The following VPS13C variants were observed in gnomAD, a reference collection of about 807,000 sequenced individuals.
VPS13C encodes intermembrane lipid transfer protein VPS13C.
In VPS13C, 358 loss-of-function variants were observed where a neutral mutation model predicts 456.8. The observed-to-expected ratio is 0.78, with a 90% CI of 0.72 to 0.86. VPS13C has a LOEUF of 0.86. VPS13C is among the 40% of genes least tolerant of loss of function. VPS13C has a pLI of 0.00. For missense variants in VPS13C, 4,818 were observed against 4,385.4 expected (o/e 1.10, Z -2.79); for synonymous variants, 1,578 against 1,486.7 (o/e 1.06, Z -1.41).
At chr15:61,928,747 G>A (rs1306131216) in intron 51 of VPS13C, among the ~76,000 whole-genome samples, 1 of 151,920 alleles carries the variant, frequency 6.6e-6, no homozygotes, top group Non-Finnish European at 1.5e-5. Flanking sequence ...GTGTGGTGGT[G>A]CACAACTGTG....
At chr15:62,051,064 C>T (rs1021194754) in intron 1 of VPS13C, among the ~76,000 whole-genome samples, 2 of 152,050 alleles carry the variant, frequency 1.3e-5, no homozygotes, top group Non-Finnish European at 2.9e-5. Flanking sequence ...TTTTTAAATA[C>T]ATAATGGCCT....
chr15:61,924,065 A>G (rs2043756810), intron 53 of VPS13C, among the ~76,000 whole-genome samples: 1 of 150,556 alleles, frequency 6.6e-6, no homozygotes, highest in African/African-American at 2.5e-5. Flanking sequence ...ACGGGGTTTC[A>G]CCGTTTTAGC....
Position 61,947,280 on chromosome 15 carries a change from A to G in VPS13C, c.4789T>C (p.Phe1597Leu). The G allele has an allele frequency of 6.2e-7, 1 of 1,609,056 alleles. No individual in the cohort carries two copies. Residue 1597 changes from phenylalanine (F) to leucine (L), a missense_variant, in exon 43 of 85, where the codon TTT (phenylalanine) becomes CTT (leucine). By Grantham distance (22) the Phe-to-Leu change is conservative (BLOSUM62 0). Around this residue, in one of 3 missense-constraint regions of VPS13C, gnomAD observed 4,552 missense variants for 4,130.6 expected, o/e 1.10. Transcript: ENST00000644861. ...VSSNISQKDV[F>L]DLKITAELNA... ...AATTCAGCTGTGATCTTTAAATCAA[A>G]CACATCCTTTTGGGAAATGTTGCTG... is the stretch of plus-strand genomic sequence containing the variant.
At chr15:62,019,020 G>C (rs1279859378) in intron 9 of VPS13C, among the ~76,000 whole-genome samples, 1 of 152,150 alleles carries the variant, frequency 6.6e-6, no homozygotes, top group Non-Finnish European at 1.5e-5. Context: ...TCTTGGGAGG[G>C]TGTATGTGTC....
intron 1 of VPS13C, among the ~76,000 whole-genome samples, chr15:62,059,755 C>A (rs1385694027): frequency 1.3e-5 from 2 of 152,204 alleles, no homozygotes; most frequent in Non-Finnish European, 2.9e-5. Context: ...AGATCTCCTG[C>A]CCGTTCCTCT....
chr15:61,883,142 C>T (rs1369266138), intron 68 of VPS13C, among the ~76,000 whole-genome samples: 2 of 151,922 alleles, frequency 1.3e-5, no homozygotes, highest in African/African-American at 2.4e-5. Context: ...CCTGCCTCAG[C>T]CTCCCAAGCA....
chr15:62,008,648 A>G lies in VPS13C; in HGVS notation c.1118+7T>C, dbSNP rs763023927. 6.3e-7 allele frequency: 1 copy of G among 1,583,332 alleles called. No individual in the cohort carries two copies. Among genetic ancestry groups the G allele is most frequent in the South Asian group, 1.2e-5 (1 of 85,846 alleles). ...CCTCACAAAACAAAAAACAAATTCTAACTTACCATCGTCGACCATTGGTAT... is the reference window on the plus strand; with the variant it reads ...CCTCACAAAACAAAAAACAAATTCTGACTTACCATCGTCGACCATTGGTAT... On this transcript the variant is annotated splice_region_variant and intron_variant, in intron 14 of 84. Coordinates refer to ENST00000644861, the MANE Select transcript of VPS13C (RefSeq NM_020821.3).
chr15:62,042,032 AAG>A (rs1012299148), intron 2 of VPS13C, among the ~76,000 whole-genome samples: 26 of 152,318 alleles, frequency 1.7e-4, no homozygotes, highest in South Asian at 6.2e-4. Context: ...CAGAAAAAAG[AAG>A]AGTCTTTTTG....
Position 61,941,644 on chromosome 15 carries a change from A to G in VPS13C, c.5453+119T>C, listed in dbSNP as rs1220801109. ...CCAAGAAGCCAATGGTCAAGGTTTC[A>G]TAATTAGAAGAAATAAGGAATGAAA... On this transcript the variant is annotated intron_variant, in intron 46 of 84. Transcript: ENST00000644861. 4.5e-6 allele frequency: 5 copies of G among 1,113,280 alleles called. No homozygotes were observed. The Admixed American group carries it at 1.4e-4, about 32-fold the overall frequency. 69.0% of individuals were successfully genotyped at this position (1,113,280 alleles called of 1,614,324 possible).
Position 62,008,186 on chromosome 15 carries a change from G to C in VPS13C, c.1118+469C>G, listed in dbSNP as rs529670891. Among the ~76,000 whole-genome samples the C allele has an allele frequency of 2.0e-4, 31 of 152,006 alleles. No homozygotes were observed. In the South Asian group the frequency reaches 6.4e-3, roughly 32 times the overall value. On this transcript the variant is annotated intron_variant, in intron 14 of 84. Coordinates refer to ENST00000644861, the MANE Select transcript of VPS13C (RefSeq NM_020821.3). ...GTGGAGGTTGCAATGAGCCAAGATC[G>C]CGTCACCGCACCCCAGCCTGGGTGA...
intron 45 of VPS13C, among the ~76,000 whole-genome samples, 174 bp from the exon 46 acceptor site, chr15:61,942,241 T>C (rs1596361466): frequency 1.3e-5 from 2 of 151,862 alleles, no homozygotes; most frequent in Admixed American, 6.6e-5. Context: ...CTATTAACAA[T>C]AGTTACTGTA....
At chr15:61,959,148 T>C (rs1011595202) in intron 36 of VPS13C, among the ~76,000 whole-genome samples, 13 of 152,110 alleles carry the variant, frequency 8.5e-5, no homozygotes, top group African/African-American at 2.9e-4. Context: ...TTAGGGCTAC[T>C]TAGATATCCC....
chr15:61,854,720 C>T (rs1893813218), intron 84 of VPS13C, 151 bp downstream of exon 84: 1 of 968,022 alleles, frequency 1.0e-6, no homozygotes, highest in Non-Finnish European at 1.6e-6. Context: ...GACCCTTGCA[C>T]CCGACTGAGT....
chr15:62,025,230 C>T (rs1004566396), intron 6 of VPS13C, among the ~76,000 whole-genome samples: 5 of 151,978 alleles, frequency 3.3e-5, no homozygotes, highest in African/African-American at 9.7e-5. Flanking sequence ...TTAATTGGTT[C>T]TTCCTTGATT....
intron 73 of VPS13C, 99 bp downstream of exon 73, chr15:61,880,510 T>C (rs776492626): frequency 1.1e-4 from 77 of 715,918 alleles, no homozygotes; most frequent in Non-Finnish European, 1.7e-4. Flanking sequence ...TCCCACCAAA[T>C]ACATGATGCA....
intron 83 of VPS13C, among the ~76,000 whole-genome samples, chr15:61,855,873 T>C (rs886511603): frequency 6.6e-6 from 1 of 152,076 alleles, no homozygotes; most frequent in Non-Finnish European, 1.5e-5. Flanking sequence ...TAAAAGTGCT[T>C]CCTTACAAAA....
chr15:62,034,073 T>C (rs2047906639), intron 4 of VPS13C, among the ~76,000 whole-genome samples: 1 of 151,702 alleles, frequency 6.6e-6, no homozygotes, highest in Non-Finnish European at 1.5e-5. Context: ...ATATTTATAG[T>C]ATTGATTACA....
intron 61 of VPS13C, among the ~76,000 whole-genome samples, chr15:61,915,144 G>C (rs2043428849): frequency 6.6e-6 from 1 of 152,104 alleles, no homozygotes. Flanking sequence ...GCCTAGAGGT[G>C]AGTCCTTGGG....
At position 61,890,331 on chromosome 15, in the gene VPS13C, G is replaced by A. The variant is rs1387456031; in HGVS notation, c.9175C>T (p.Gln3059Ter). The A allele has an allele frequency of 4.3e-6, 7 of 1,613,896 alleles. No individual in the cohort carries two copies. The highest frequency in any genetic ancestry group is 5.9e-6 in the Non-Finnish European group (7 of 1,180,028). The change falls in exon 67 of 85, where the codon CAG (glutamine) becomes TAG (stop). Residue 3059 changes from glutamine to a stop codon, truncating the protein, a stop_gained. Transcript: ENST00000644861. LOFTEE classifies it high-confidence loss of function. ...TCATCGGTGAAAAGCAAAACTCTCT[G>A]GCGCCCATCCAGAAATGATACCCAG... ...IHWVSFLDGR[Q>*]RVLLFTDDVA...
Sources: gnomAD v4.1 joint callset for allele counts (sites outside exome capture counted in the v4.1 genomes callset) on GRCh38, gnomAD v4.1.1 for gene constraint, gnomAD v4.1.1 regional missense constraint, MANE v1.5 for transcripts, NCBI Gene and HGNC (gene_info 2026-07-23, HGNC 2026-07-21) for gene names.